SUMF1: variants seen among roughly 807,000 people sequenced by gnomAD.
SUMF1 encodes the protein sulfatase modifying factor 1, also known as formylglycine-generating enzyme.
In SUMF1, 48 loss-of-function variants were observed where a neutral mutation model predicts 47.6. The ratio of observed to expected loss-of-function variants is 1.01; its 90% confidence interval spans 0.80 to 1.28. The LOEUF (loss-of-function observed/expected upper bound fraction) is 1.28. Among genes scored for constraint, SUMF1 ranks in the 50% most tolerant of loss-of-function variants. The probability of loss-of-function intolerance (pLI) is 0.00; values close to 1 mark genes in which losing one functional copy is unlikely to be tolerated. For synonymous variants in SUMF1, 230 were observed against 192.1 expected, an observed-to-expected ratio of 1.20 and a Z score of -1.63; for missense variants, 571 against 485.4, an observed-to-expected ratio of 1.18 and a Z score of -1.66.
chr3:4,056,276 T>C (rs948227140), intron 9 of SUMF1, among the ~76,000 whole-genome samples: 1 of 152,160 alleles, frequency 6.6e-6, no homozygotes, highest in Non-Finnish European at 1.5e-5. Context: ...CACCAGGTAA[T>C]TCTCATTGAA....
chr3:4,334,020 T>C (rs1007297325), intron 8 of SUMF1, among the ~76,000 whole-genome samples: 1 of 151,946 alleles, frequency 6.6e-6, no homozygotes, highest in African/African-American at 2.4e-5. Context: ...TATCAGCTAC[T>C]GAGGAGCTGA....
chr3:4,101,541 T>C (rs1693033241), intron 8 of SUMF1, among the ~76,000 whole-genome samples: 1 of 152,090 alleles, frequency 6.6e-6, no homozygotes, highest in African/African-American at 2.4e-5. Flanking sequence ...GACACAAAGT[T>C]ACAATTAGAT....
At chr3:4,333,040 A>G (rs1699080118) in intron 8 of SUMF1, among the ~76,000 whole-genome samples, 1 of 152,134 alleles carries the variant, frequency 6.6e-6, no homozygotes. Context: ...TCCCCTATCC[A>G]GCTCCCCATC....
At chr3:4,319,483 T>G (rs1266574558) in intron 8 of SUMF1, among the ~76,000 whole-genome samples, 1 of 152,190 alleles carries the variant, frequency 6.6e-6, no homozygotes, top group Non-Finnish European at 1.5e-5. Context: ...GTCTGGCATC[T>G]TATTTCGATG....
At chr3:4,263,683 A>G (rs6809811) in intron 8 of SUMF1, among the ~76,000 whole-genome samples, 56,998 of 151,992 alleles carry the variant, frequency 0.38, 11,342 homozygotes, top group Non-Finnish European at 0.45. Context: ...TAAAGGCCCA[A>G]TTCAAACACC....
At chr3:4,073,851 G>C (rs1692350532) in intron 8 of SUMF1, among the ~76,000 whole-genome samples, 1 of 152,132 alleles carries the variant, frequency 6.6e-6, no homozygotes, top group African/African-American at 2.4e-5. Context: ...AGGTCTCAAA[G>C]ACCTGAAGAG....
At chr3:4,442,402 C>T (rs1281149711) in intron 3 of SUMF1, among the ~76,000 whole-genome samples, 1 of 137,292 alleles carries the variant, frequency 7.3e-6, no homozygotes, top group Non-Finnish European at 1.6e-5. Context: ...ACTACAGGCG[C>T]CCAACACCAC....
intron 3 of SUMF1, among the ~76,000 whole-genome samples, chr3:4,448,939 G>T (rs1702875263): frequency 6.6e-6 from 1 of 152,208 alleles, no homozygotes; most frequent in Non-Finnish European, 1.5e-5. Context: ...TTCTCATTGA[G>T]CCCTCCATTC....
At chr3:4,445,230 T>C (rs189674492) in intron 3 of SUMF1, among the ~76,000 whole-genome samples, 2 of 152,340 alleles carry the variant, frequency 1.3e-5, no homozygotes, top group East Asian at 1.9e-4. Flanking sequence ...GTAAAACCTA[T>C]GGTATGTAAA....
At chr3:4,368,944 A>C (rs990391793) in intron 8 of SUMF1, among the ~76,000 whole-genome samples, 4 of 152,200 alleles carry the variant, frequency 2.6e-5, no homozygotes, top group African/African-American at 9.6e-5. Flanking sequence ...AGTCCCTGCA[A>C]ACTGGTTAAA....
chr3:4,064,911 A>G (rs1489603105), intron 9 of SUMF1, among the ~76,000 whole-genome samples: 1 of 152,212 alleles, frequency 6.6e-6, no homozygotes, highest in East Asian at 1.9e-4. Context: ...CATGGGACAC[A>G]GCAAAAAGTG....
intron 3 of SUMF1, among the ~76,000 whole-genome samples, chr3:4,421,258 A>T (rs535355314): frequency 6.6e-6 from 1 of 152,252 alleles, no homozygotes; most frequent in South Asian, 2.1e-4. Context: ...CTGTTTTCTC[A>T]TGTGGGGATA....
intron 3 of SUMF1, 86 bp downstream of exon 3, chr3:4,449,180 G>C: frequency 7.2e-7 from 1 of 1,390,504 alleles, no homozygotes; most frequent in Non-Finnish European, 1.0e-6. Context: ...GGGAGAGGAA[G>C]GTGACACATG....
chr3:4,393,080 G>C (rs1700928294), intron 7 of SUMF1, among the ~76,000 whole-genome samples: 1 of 152,100 alleles, frequency 6.6e-6, no homozygotes, highest in South Asian at 2.1e-4. Flanking sequence ...GCCTAGAAAA[G>C]CTTATTTCAC....
chr3:4,237,042 G>A (rs1696425318), intron 8 of SUMF1, among the ~76,000 whole-genome samples: 2 of 152,042 alleles, frequency 1.3e-5, no homozygotes, highest in South Asian at 4.1e-4. Flanking sequence ...ATGAGTTTAA[G>A]TTTCCTCCAT....
At chr3:4,449,418 T>C (rs1045417030) in intron 2 of SUMF1, 78 bp from the exon 3 acceptor site, 60 of 1,363,186 alleles carry the variant, frequency 4.4e-5, no homozygotes, top group Non-Finnish European at 5.8e-5. Context: ...CTCTCCACAC[T>C]ATTAAAGTGA....
chr3:4,083,570 C>A (rs1692611519), intron 8 of SUMF1, among the ~76,000 whole-genome samples: 1 of 152,122 alleles, frequency 6.6e-6, no homozygotes, highest in African/African-American at 2.4e-5. Flanking sequence ...TCTGCTACCA[C>A]TATCGTCCAT....
At chr3:4,167,677 C>T (rs1214827279) in intron 8 of SUMF1, among the ~76,000 whole-genome samples, 1 of 152,196 alleles carries the variant, frequency 6.6e-6, no homozygotes, top group East Asian at 1.9e-4. Flanking sequence ...CCGGCTGGCT[C>T]TTCACCTATC....
At chr3:4,221,720 C>T (rs1696068033) in intron 8 of SUMF1, among the ~76,000 whole-genome samples, 1 of 152,006 alleles carries the variant, frequency 6.6e-6, no homozygotes, top group African/African-American at 2.4e-5. Context: ...AGTCTCTGCC[C>T]TCATGATGTG....
Sources: gnomAD v4.1 joint callset for allele counts (sites outside exome capture counted in the v4.1 genomes callset) on GRCh38, gnomAD v4.1.1 for gene constraint, MANE v1.5 for transcripts, NCBI Gene and HGNC (gene_info 2026-07-23, HGNC 2026-07-21) for gene names.